The following NPL variants were observed in gnomAD, a reference collection of about 807,000 sequenced individuals.
NPL encodes N-acetylneuraminate pyruvate lyase, also known as N-acetylneuraminate lyase.
NPL carries 32 observed loss-of-function variants against 41.1 expected under a neutral mutation model. The ratio of observed to expected loss-of-function variants is 0.78; its 90% confidence interval spans 0.59 to 1.05. The LOEUF (loss-of-function observed/expected upper bound fraction) is 1.05. Ranked by LOEUF, NPL falls within the 50% of genes least tolerant of loss-of-function variation. The probability of loss-of-function intolerance (pLI) is 0.00; values close to 1 mark genes in which losing one functional copy is unlikely to be tolerated. For missense variants in NPL, 321 were observed against 378.4 expected, an observed-to-expected ratio of 0.85 and a Z score of 1.26; for synonymous variants, 128 against 134.9, an observed-to-expected ratio of 0.95 and a Z score of 0.35.
chr1:182,828,626 T>G lies in NPL; in HGVS notation c.779-98T>G. On this transcript the variant is annotated intron_variant, in intron 12 of 12. Coordinates refer to ENST00000367553, the MANE Select transcript of NPL (RefSeq NM_030769.3). The surrounding 1 kb of genome is among the most constrained non-coding windows in gnomAD (Gnocchi z 4.0). The stretch of plus-strand genomic sequence containing the variant: ...ATCTTTTGTTTTAATCTTACCCTGT[T>G]GTAGTAGTTGCTGTTAGCATATGAT... 1 of 1,458,576 alleles carries G rather than the reference T, an allele frequency of 6.9e-7. No individual in the cohort carries two copies. Among genetic ancestry groups the G allele is most frequent in the Middle Eastern group, 1.8e-4 (1 of 5,450 alleles). 90.4% of individuals were successfully genotyped at this position (1,458,576 alleles called of 1,614,324 possible). A position where few individuals can be genotyped will look rare whatever the true frequency, so the allele number is the denominator to read the frequency against.
At chr1:182,813,963 G>A (rs1667252441) in intron 6 of NPL, among the ~76,000 whole-genome samples, 1 of 152,182 alleles carries the variant, frequency 6.6e-6, no homozygotes, top group African/African-American at 2.4e-5. Flanking sequence ...AACTATTCTA[G>A]TTTACTTCTG....
Position 182,822,175 on chromosome 1 carries a change from C to A in NPL, c.714C>A (p.Asp238Glu). The A allele has an allele frequency of 6.2e-7, 1 of 1,613,024 alleles. No homozygotes were observed. Residue 238 changes from aspartate (D) to glutamate (E), a missense_variant, in exon 11 of 13, where the codon GAC (aspartate) becomes GAA (glutamate). By Grantham distance (45) the Asp-to-Glu change is conservative. Coordinates refer to ENST00000367553, the MANE Select transcript of NPL (RefSeq NM_030769.3). ...NQMLEAFEQK[D>E]FSLALNYQFC... ...TGTTGGAGGCTTTTGAACAAAAGGA[C>A]TTCTCTTTAGCCCTGAACTATCAGG...
intron 5 of NPL, among the ~76,000 whole-genome samples, chr1:182,808,884 G>A (rs114775244): frequency 0.028 from 4,240 of 151,410 alleles, 155 homozygotes; most frequent in African/African-American, 0.088. Flanking sequence ...ACTTGAGCCC[G>A]GGGTGACAGA....
chr1:182,796,923 T>C (rs1666686019), intron 3 of NPL, among the ~76,000 whole-genome samples: 1 of 151,356 alleles, frequency 6.6e-6, no homozygotes. Context: ...TAGTTCCAGC[T>C]ACTTAAGAGG....
intron 11 of NPL, 111 bp downstream of exon 11, chr1:182,822,310 C>A (rs1003994033): frequency 4.1e-6 from 3 of 735,294 alleles, no homozygotes; most frequent in Non-Finnish European, 7.3e-6. Flanking sequence ...CCAGCCACTT[C>A]TTTCTTTACC....
rs1005779095 is a variant in NPL at position 182,818,902 on chromosome 1, T to A, written c.653+43T>A. 8 of 1,548,238 alleles carry A rather than the reference T, an allele frequency of 5.2e-6. No homozygotes were observed. The African/African-American group carries it at 1.1e-4, about 21-fold the overall frequency. Reference sequence around the variant, plus strand: ...TTCCCAGTGGTTATAAAGTCCCCCATAAAGGCATTCATCACCAAAGTAGCT... The same window carrying A: ...TTCCCAGTGGTTATAAAGTCCCCCAAAAAGGCATTCATCACCAAAGTAGCT... On this transcript the variant is annotated intron_variant, in intron 10 of 12. Transcript: ENST00000367553.
chr1:182,796,079 T>C (rs1434234029), intron 3 of NPL, among the ~76,000 whole-genome samples: 2 of 151,068 alleles, frequency 1.3e-5, no homozygotes, highest in African/African-American at 4.9e-5. Flanking sequence ...TTCCCAAAAA[T>C]CTGTGGTCCT....
At chr1:182,827,932 A>G (rs1667672819) in intron 12 of NPL, among the ~76,000 whole-genome samples, 1 of 152,184 alleles carries the variant, frequency 6.6e-6, no homozygotes, top group East Asian at 1.9e-4. Flanking sequence ...CTGTAGTTCC[A>G]CCAGTTCTAA....
chr1:182,812,287 T>TACATAGCAA, intron 6 of NPL, 74 bp downstream of exon 6: 5 of 1,285,220 alleles, frequency 3.9e-6, no homozygotes, highest in Non-Finnish European at 5.6e-6. Flanking sequence ...AAATCAGTAC[T>TACATAGCAA]ATATTTGCTA....
chr1:182,804,135 A>G (rs1666935570), intron 4 of NPL, among the ~76,000 whole-genome samples: 2 of 152,172 alleles, frequency 1.3e-5, no homozygotes, highest in South Asian at 4.2e-4. Flanking sequence ...TCTTTTGTTT[A>G]TTTATTTATT....
chr1:182,797,862 T>C (rs1022011670), intron 3 of NPL, among the ~76,000 whole-genome samples: 6 of 152,236 alleles, frequency 3.9e-5, no homozygotes, highest in African/African-American at 1.2e-4. Context: ...GCCAATAATA[T>C]ACAAGAACTG....
intron 6 of NPL, among the ~76,000 whole-genome samples, chr1:182,814,499 T>C (rs1667267612): frequency 1.3e-5 from 2 of 152,248 alleles, no homozygotes. Context: ...TTAACTGTTA[T>C]AACTTATCAA....
intron 6 of NPL, 56 bp downstream of exon 6, chr1:182,812,269 C>G: frequency 6.8e-7 from 1 of 1,479,364 alleles, no homozygotes; most frequent in Non-Finnish European, 9.4e-7. Context: ...ATTTTTATGC[C>G]GCAGTTAAAA....
At chr1:182,801,015 C>T (rs1666832875) in intron 3 of NPL, among the ~76,000 whole-genome samples, 1 of 152,074 alleles carries the variant, frequency 6.6e-6, no homozygotes, top group African/African-American at 2.4e-5. Context: ...CAGGCATGAG[C>T]CACCATGCCC....
intron 5 of NPL, among the ~76,000 whole-genome samples, chr1:182,810,925 C>T (rs1667158456): frequency 6.6e-6 from 1 of 152,116 alleles, no homozygotes; most frequent in African/African-American, 2.4e-5. Flanking sequence ...TGGTTCATAA[C>T]AGTCAGGATT....
At chr1:182,808,549 G>A (rs572528234) in intron 5 of NPL, among the ~76,000 whole-genome samples, 1 of 152,282 alleles carries the variant, frequency 6.6e-6, no homozygotes, top group South Asian at 2.1e-4. Context: ...TAGGAAGGAA[G>A]GAATAGGCAA....
chr1:182,808,503 T>C (rs1667086408), intron 5 of NPL, among the ~76,000 whole-genome samples: 1 of 152,114 alleles, frequency 6.6e-6, no homozygotes, highest in Non-Finnish European at 1.5e-5. Context: ...CACAAAAAGT[T>C]TTCTGGCAAA....
chr1:182,819,926 C>CA (rs1239389188), intron 10 of NPL, among the ~76,000 whole-genome samples: 2 of 152,200 alleles, frequency 1.3e-5, no homozygotes, highest in Non-Finnish European at 2.9e-5. Context: ...GATGTACAAC[C>CA]AGGCCTCAGA....
intron 6 of NPL, among the ~76,000 whole-genome samples, chr1:182,814,216 T>C (rs1307033200): frequency 1.3e-5 from 2 of 152,180 alleles, no homozygotes; most frequent in Non-Finnish European, 2.9e-5. Flanking sequence ...TAGAACCTGG[T>C]AGGTTTAGGT....
Sources: gnomAD v4.1 joint callset for allele counts (sites outside exome capture counted in the v4.1 genomes callset) on GRCh38, gnomAD v4.1.1 for gene constraint, Gnocchi (gnomAD v3.1) non-coding constraint, MANE v1.5 for transcripts, NCBI Gene and HGNC (gene_info 2026-07-23, HGNC 2026-07-21) for gene names.